Variants in SPRED1 observed in about 807,000 individuals in gnomAD.
SPRED1 encodes sprouty-related, EVH1 domain-containing protein 1.
A neutral mutation model predicts 52.3 loss-of-function variants in SPRED1; 18 were observed. That is an observed-to-expected ratio of 0.34 (90% confidence interval 0.24 to 0.51). The LOEUF (loss-of-function observed/expected upper bound fraction) is 0.51. Among genes scored for constraint, SPRED1 ranks in the 20% least tolerant of loss-of-function variants. The pLI is 0.97. For missense variants in SPRED1, 485 were observed against 551.0 expected (o/e 0.88, Z 1.20); for synonymous variants, 155 against 179.7 (o/e 0.86, Z 1.10).
intron 1 of SPRED1, among the ~76,000 whole-genome samples, chr15:38,284,778 G>A (rs1894770137): frequency 6.6e-6 from 1 of 150,674 alleles, no homozygotes; most frequent in Non-Finnish European, 1.5e-5. Context: ...CCTACTAAAT[G>A]TTTGTATGCA....
chr15:38,342,824 T>G (rs906290958), intron 5 of SPRED1, among the ~76,000 whole-genome samples: 6 of 152,154 alleles, frequency 3.9e-5, no homozygotes, highest in African/African-American at 1.4e-4. Context: ...TGAACAGATT[T>G]AGAAATTTTC....
intron 1 of SPRED1, among the ~76,000 whole-genome samples, chr15:38,275,590 C>G (rs1752423362): frequency 6.6e-6 from 1 of 152,118 alleles, no homozygotes. Context: ...CTTTGCCTCC[C>G]AGGTTCAATC....
intron 1 of SPRED1, among the ~76,000 whole-genome samples, chr15:38,261,926 C>A (rs1241853004): frequency 6.6e-6 from 1 of 151,368 alleles, no homozygotes; most frequent in Non-Finnish European, 1.5e-5. Context: ...TTTCTGATGC[C>A]ACTTTTTCAA....
At chr15:38,297,081 T>C (rs1895056250) in intron 1 of SPRED1, among the ~76,000 whole-genome samples, 1 of 152,172 alleles carries the variant, frequency 6.6e-6, no homozygotes, top group Non-Finnish European at 1.5e-5. Context: ...TGCCTTGATC[T>C]TGGTTTTCCC....
At chr15:38,346,186 AC>A (rs1247222727) in intron 5 of SPRED1, among the ~76,000 whole-genome samples, 1 of 152,054 alleles carries the variant, frequency 6.6e-6, no homozygotes, top group Admixed American at 6.6e-5. Context: ...TCATGGTGGT[AC>A]GCGCCTGTAG....
intron 4 of SPRED1, among the ~76,000 whole-genome samples, chr15:38,334,449 T>C (rs1566871073): frequency 2.0e-5 from 3 of 152,030 alleles, no homozygotes; most frequent in Admixed American, 6.6e-5. Flanking sequence ...TATAGTCCTT[T>C]ATACATATAA....
In SPRED1 at chr15:38,356,814, ATCTAAAGGAAAGG is replaced by A. The variant is rs1338097586; in HGVS notation, c.*5152_*5164del. ...GCCATATAACCAAAAATAACGAATA[ATCTAAAGGAAAGG>A]TTATTAGGACAGTAATAAAAAATTA... On this transcript the variant is annotated 3_prime_UTR_variant, in exon 7 of 7. Coordinates refer to ENST00000299084, the MANE Select transcript of SPRED1 (RefSeq NM_152594.3). The A allele has an allele frequency of 9.2e-5, 14 of 152,258 alleles. No individual in the cohort carries two copies. In the East Asian group the frequency reaches 1.2e-3, roughly 13 times the overall value. The allele number at this position is 152,258 out of a possible 1,614,324, so 9.4% of individuals were successfully genotyped here.
intron 4 of SPRED1, among the ~76,000 whole-genome samples, chr15:38,332,079 G>A (rs1895816357): frequency 6.6e-6 from 1 of 152,114 alleles, no homozygotes; most frequent in South Asian, 2.1e-4. Context: ...GGAATGTTAA[G>A]GAGTGAAGAA....
chr15:38,265,287 C>T (rs1894285991), intron 1 of SPRED1, among the ~76,000 whole-genome samples: 1 of 152,100 alleles, frequency 6.6e-6, no homozygotes, highest in Non-Finnish European at 1.5e-5. Flanking sequence ...TCTCTCCCTA[C>T]AATAACATTT....
intron 1 of SPRED1, among the ~76,000 whole-genome samples, chr15:38,284,435 A>G (rs1305502979): frequency 6.6e-6 from 1 of 152,164 alleles, no homozygotes; most frequent in Non-Finnish European, 1.5e-5. Flanking sequence ...ATTTTATATT[A>G]TGATACTAAT....
At chr15:38,345,989 A>G (rs1432745783) in intron 5 of SPRED1, among the ~76,000 whole-genome samples, 1 of 152,208 alleles carries the variant, frequency 6.6e-6, no homozygotes, top group African/African-American at 2.4e-5. Flanking sequence ...TAATGCTTAA[A>G]TAGGCATTGC....
intron 1 of SPRED1, among the ~76,000 whole-genome samples, chr15:38,274,326 G>A (rs1204582747): frequency 6.6e-6 from 1 of 152,202 alleles, no homozygotes; most frequent in Non-Finnish European, 1.5e-5. Flanking sequence ...AACAGGAAGT[G>A]TCAGGTATCT....
intron 4 of SPRED1, among the ~76,000 whole-genome samples, chr15:38,331,459 A>G (rs1056344269): frequency 6.6e-6 from 1 of 152,078 alleles, no homozygotes; most frequent in African/African-American, 2.4e-5. Context: ...AAAAAATAGA[A>G]GTTTGTCTAA....
At chr15:38,342,899 G>A (rs72711740) in intron 5 of SPRED1, among the ~76,000 whole-genome samples, 13,809 of 152,116 alleles carry the variant, frequency 0.091, 752 homozygotes, top group East Asian at 0.21. Flanking sequence ...ATAAATTTTG[G>A]AAATCATTAT....
At chr15:38,295,810 T>C (rs1181615323) in intron 1 of SPRED1, among the ~76,000 whole-genome samples, 1 of 152,186 alleles carries the variant, frequency 6.6e-6, no homozygotes, top group Non-Finnish European at 1.5e-5. Flanking sequence ...TGCATAATAC[T>C]GTACTCTAGA....
intron 1 of SPRED1, among the ~76,000 whole-genome samples, chr15:38,295,846 TA>T (rs1203794073): frequency 6.6e-6 from 1 of 152,054 alleles, no homozygotes; most frequent in African/African-American, 2.4e-5. Context: ...GCCAATGAGC[TA>T]AAAAAATCAC....
chr15:38,268,979 C>T (rs1166884214), intron 1 of SPRED1, among the ~76,000 whole-genome samples: 4 of 149,178 alleles, frequency 2.7e-5, no homozygotes, highest in East Asian at 2.0e-4. Context: ...CCCGCTCCGT[C>T]GCCTAGGCTG....
chr15:38,344,119 A>G (rs1252845669), intron 5 of SPRED1, among the ~76,000 whole-genome samples: 1 of 152,186 alleles, frequency 6.6e-6, no homozygotes, highest in African/African-American at 2.4e-5. Flanking sequence ...CCTGTGAGAC[A>G]TTTGAATCTG....
chr15:38,341,337 T>TTAA (rs1441874387), intron 5 of SPRED1, among the ~76,000 whole-genome samples: 2 of 152,078 alleles, frequency 1.3e-5, no homozygotes, highest in Non-Finnish European at 2.9e-5. Flanking sequence ...GCCTACACTA[T>TTAA]TAGGTTTTAG....
Sources: gnomAD v4.1 joint callset for allele counts (sites outside exome capture counted in the v4.1 genomes callset) on GRCh38, gnomAD v4.1.1 for gene constraint, MANE v1.5 for transcripts, NCBI Gene and HGNC (gene_info 2026-07-23, HGNC 2026-07-21) for gene names.